Variants in CLMP observed in about 807,000 individuals in gnomAD.
The protein encoded by CLMP is CXADR like cell adhesion molecule.
CLMP carries 27 observed loss-of-function variants against 45.2 expected under a neutral mutation model. The observed-to-expected ratio is 0.60, with a 90% CI of 0.44 to 0.82. The LOEUF (loss-of-function observed/expected upper bound fraction) is 0.82. Among genes scored for constraint, CLMP ranks in the 40% least tolerant of loss-of-function variants. The pLI is 0.00. For missense variants in CLMP, 403 were observed against 448.4 expected, an observed-to-expected ratio of 0.90 and a Z score of 0.91; for synonymous variants, 167 against 171.4, an observed-to-expected ratio of 0.97 and a Z score of 0.20.
intron 1 of CLMP, among the ~76,000 whole-genome samples, chr11:123,127,266 T>G (rs1860909062): frequency 6.6e-6 from 1 of 152,044 alleles, no homozygotes; most frequent in Non-Finnish European, 1.5e-5. Flanking sequence ...GGATTACAAG[T>G]ATGTACCATC....
At chr11:123,144,162 T>C (rs890686811) in intron 1 of CLMP, among the ~76,000 whole-genome samples, 1 of 151,990 alleles carries the variant, frequency 6.6e-6, no homozygotes, top group African/African-American at 2.4e-5. Context: ...TAGCTGGAAC[T>C]CCTAACCCAC....
At chr11:123,085,334 C>T (rs929586662) in intron 2 of CLMP, among the ~76,000 whole-genome samples, 4 of 151,920 alleles carry the variant, frequency 2.6e-5, no homozygotes, top group Admixed American at 6.6e-5. Context: ...CTGTAACCTC[C>T]GCTTCCTGGG....
At chr11:123,093,130 A>G (rs868357522) in intron 2 of CLMP, among the ~76,000 whole-genome samples, 1 of 143,774 alleles carries the variant, frequency 7.0e-6, no homozygotes, top group Non-Finnish European at 1.5e-5. Flanking sequence ...TTGGTCTCAA[A>G]CTCCTGACCT....
intron 5 of CLMP, among the ~76,000 whole-genome samples, chr11:123,081,009 G>A (rs1224883399): frequency 6.6e-6 from 1 of 151,928 alleles, no homozygotes; most frequent in African/African-American, 2.4e-5. Flanking sequence ...AGCCAGGTGT[G>A]GTGGCACACA....
chr11:123,102,870 T>G (rs1860474293), intron 1 of CLMP, among the ~76,000 whole-genome samples: 1 of 152,014 alleles, frequency 6.6e-6, no homozygotes, highest in South Asian at 2.1e-4. Flanking sequence ...TCCTGCCCAA[T>G]TTTATGTGGC....
In CLMP at chr11:123,120,912, G is replaced by A. The variant is rs139838859; in HGVS notation, c.29-22960C>T. Among the ~76,000 whole-genome samples, 25 of 152,156 alleles carry A rather than the reference G, an allele frequency of 1.6e-4. 1 individual carries two copies. The highest frequency in any genetic ancestry group is 5.5e-4 in the African/African-American group (23 of 41,542). On this transcript the variant is annotated intron_variant, in intron 1 of 6. Transcript: ENST00000448775. Reference sequence around the variant, plus strand: ...GAGGCCGAGGTGGGAGGATCACGAGGTCAGGAGATCGAGACCATCCTTGGT... The same window carrying A: ...GAGGCCGAGGTGGGAGGATCACGAGATCAGGAGATCGAGACCATCCTTGGT...
rs1049276406 is a variant in CLMP at position 123,070,469 on chromosome 11, T to G, written c.*3005A>C. ...TTATGGATAGATTTCCAAAATAATT[T>G]GGGTAATCAACTGGTATTTTAGCAT... is the stretch of plus-strand genomic sequence containing the variant. On this transcript the variant is annotated 3_prime_UTR_variant, in exon 7 of 7. Coordinates refer to ENST00000448775, the MANE Select transcript of CLMP (RefSeq NM_024769.5). The G allele has an allele frequency of 6.6e-6, 1 of 152,348 alleles. No homozygotes were observed. Among genetic ancestry groups the G allele is most frequent in the Admixed American group, 6.5e-5 (1 of 15,302 alleles). 9.4% of individuals were successfully genotyped at this position (152,348 alleles called of 1,614,324 possible).
intron 5 of CLMP, among the ~76,000 whole-genome samples, chr11:123,081,862 G>GA (rs569269048): frequency 0.12 from 11,428 of 97,458 alleles, 821 homozygotes; most frequent in African/African-American, 0.27. Flanking sequence ...ACCCTGTCCA[G>GA]AAAAAAAAAA....
In CLMP at chr11:123,154,353, T is replaced by C. The variant is rs141343248; in HGVS notation, c.28+40560A>G. ...CTCTGCTAAATAGCTGTAGAACCTA[T>C]AGGCACATTGGCTGGGGAGACAGCC... On this transcript the variant is annotated intron_variant, in intron 1 of 6. Transcript: ENST00000448775. Among the ~76,000 whole-genome samples the C allele has an allele frequency of 2.5e-3, 385 of 152,272 alleles. 2 individuals carry two copies. Among genetic ancestry groups the C allele is most frequent in the Non-Finnish European group, 4.7e-3 (317 of 68,022 alleles).
At chr11:123,122,569 C>A (rs1160894313) in intron 1 of CLMP, among the ~76,000 whole-genome samples, 1 of 152,130 alleles carries the variant, frequency 6.6e-6, no homozygotes, top group Admixed American at 6.6e-5. Flanking sequence ...TCTGTTGCGA[C>A]ACCCTCTGCT....
rs1380019199 is a variant in CLMP at position 123,150,520 on chromosome 11, GAAGGAAGGAAAGAAA to G, written c.28+44378_28+44392del. On this transcript the variant is annotated intron_variant, in intron 1 of 6. Coordinates refer to ENST00000448775, the MANE Select transcript of CLMP (RefSeq NM_024769.5). ...GGAAGGAAGGAAGGAAGGAAGGAAG[GAAGGAAGGAAAGAAA>G]CAAGCAAGGAAGGAAGGAAGGAAGG... Among the ~76,000 whole-genome samples, 16 of 128,722 alleles carry G rather than the reference GAAGGAAGGAAAGAAA, an allele frequency of 1.2e-4. No homozygotes were observed. In the East Asian group the frequency reaches 2.0e-3, roughly 16 times the overall value. 84.4% of individuals were successfully genotyped at this position (128,722 alleles called of 152,430 possible). A position where few individuals can be genotyped will look rare whatever the true frequency, so the allele number is the denominator to read the frequency against.
In CLMP at chr11:123,126,010, A is replaced by G. The variant is rs575146028; in HGVS notation, c.29-28058T>C. Reference sequence around the variant, plus strand: ...GTATAACAAAGACAACTTCTTAGCCACACCCACCATGTGCTACTCACACTG... The same window carrying G: ...GTATAACAAAGACAACTTCTTAGCCGCACCCACCATGTGCTACTCACACTG... On this transcript the variant is annotated intron_variant, in intron 1 of 6. Coordinates refer to ENST00000448775, the MANE Select transcript of CLMP (RefSeq NM_024769.5). Among the ~76,000 whole-genome samples, 7 of 152,252 alleles carry G rather than the reference A, an allele frequency of 4.6e-5. No homozygotes were observed. The South Asian group carries it at 1.5e-3, about 32-fold the overall frequency.
At chr11:123,162,546 G>A (rs1861499356) in intron 1 of CLMP, among the ~76,000 whole-genome samples, 1 of 152,122 alleles carries the variant, frequency 6.6e-6, no homozygotes, top group South Asian at 2.1e-4. Flanking sequence ...CGTCAGAGGT[G>A]CTATGGGGTT....
chr11:123,147,030 C>T (rs141676743), intron 1 of CLMP, among the ~76,000 whole-genome samples: 1 of 152,314 alleles, frequency 6.6e-6, no homozygotes, highest in African/African-American at 2.4e-5. Context: ...TTTCTCTATC[C>T]CTGTTAACCT....
intron 2 of CLMP, among the ~76,000 whole-genome samples, chr11:123,090,399 C>T (rs1405412640): frequency 6.6e-6 from 1 of 151,058 alleles, no homozygotes; most frequent in Non-Finnish European, 1.5e-5. Flanking sequence ...TCCAACCTGG[C>T]AACAGAGCGA....
At chr11:123,132,069 A>T (rs766627338) in intron 1 of CLMP, among the ~76,000 whole-genome samples, 1 of 152,270 alleles carries the variant, frequency 6.6e-6, no homozygotes, top group Non-Finnish European at 1.5e-5. Flanking sequence ...AGTGAAGGAA[A>T]GTAATAATCT....
chr11:123,177,538 A>G (rs561921074), intron 1 of CLMP, among the ~76,000 whole-genome samples: 1 of 152,246 alleles, frequency 6.6e-6, no homozygotes, highest in Non-Finnish European at 1.5e-5. Flanking sequence ...GAAGCCAAAC[A>G]GGGCTGTAAA....
chr11:123,189,259 C>T (rs1861874729), intron 1 of CLMP, among the ~76,000 whole-genome samples: 1 of 152,214 alleles, frequency 6.6e-6, no homozygotes, highest in South Asian at 2.1e-4. Flanking sequence ...TTCTCAGTAA[C>T]ACAGAGCCTT....
At chr11:123,146,014 G>T (rs1591476872) in intron 1 of CLMP, among the ~76,000 whole-genome samples, 1 of 152,216 alleles carries the variant, frequency 6.6e-6, no homozygotes, top group South Asian at 2.1e-4. Flanking sequence ...GCTGCACAGG[G>T]GCTCAGGGTA....
Sources: allele counts gnomAD v4.1 joint callset (sites outside exome capture counted in the v4.1 genomes callset), GRCh38; gene constraint gnomAD v4.1.1; transcripts MANE v1.5; gene names NCBI Gene and HGNC (gene_info 2026-07-23, HGNC 2026-07-21).